The following TENM2 variants were observed in gnomAD, a reference collection of about 807,000 sequenced individuals.
The protein encoded by TENM2 is teneurin-2.
A neutral mutation model predicts 245.2 loss-of-function variants in TENM2; 52 were observed. The observed-to-expected ratio is 0.21, with a 90% CI of 0.17 to 0.27. The LOEUF (loss-of-function observed/expected upper bound fraction) is 0.27. Among genes scored for constraint, TENM2 ranks in the 10% least tolerant of loss-of-function variants. The probability of loss-of-function intolerance (pLI) is 1.00; values close to 1 mark genes in which losing one functional copy is unlikely to be tolerated. For synonymous variants in TENM2, 1,363 were observed against 1,438.9 expected (o/e 0.95, Z 1.19); for missense variants, 3,046 against 3,666.8 (o/e 0.83, Z 4.37).
intron 2 of TENM2, among the ~76,000 whole-genome samples, chr5:167,797,817 A>C (rs529772067): frequency 2.0e-5 from 3 of 152,328 alleles, no homozygotes; most frequent in African/African-American, 7.2e-5. Context: ...AGAAAAGGAA[A>C]GGAAAGAAAA....
the TENM2 span, among the ~76,000 whole-genome samples, chr5:167,001,891 G>GT: frequency 4.1e-3 from 617 of 152,022 alleles, 4 homozygotes; most frequent in African/African-American, 0.014. Context: ...TTATTTTGCT[G>GT]TTTTGCTGCT....
intron 2 of TENM2, among the ~76,000 whole-genome samples, chr5:167,400,411 A>G (rs545175302): frequency 3.3e-5 from 5 of 152,274 alleles, no homozygotes; most frequent in African/African-American, 4.8e-5. Context: ...AGTATAGTCA[A>G]TAAATGAGAT....
At chr5:168,123,035 A>G (rs1795580748) in intron 10 of TENM2, among the ~76,000 whole-genome samples, 1 of 151,960 alleles carries the variant, frequency 6.6e-6, no homozygotes, top group Non-Finnish European at 1.5e-5. Flanking sequence ...GGTGGCTCAC[A>G]CCAGTAATCC....
intron 2 of TENM2, among the ~76,000 whole-genome samples, chr5:167,413,201 G>T (rs896178825): frequency 2.6e-5 from 4 of 151,968 alleles, no homozygotes; most frequent in African/African-American, 4.8e-5. Context: ...TAATTAAATT[G>T]TTCTATGTGA....
chr5:167,750,397 T>G (rs1240073798), intron 2 of TENM2, among the ~76,000 whole-genome samples: 2 of 152,160 alleles, frequency 1.3e-5, no homozygotes, highest in Admixed American at 1.3e-4. Flanking sequence ...GAGTAATTCT[T>G]GACAAAGGCA....
chr5:167,568,138 T>G (rs1466135231), intron 2 of TENM2, among the ~76,000 whole-genome samples: 2 of 152,066 alleles, frequency 1.3e-5, no homozygotes, highest in Non-Finnish European at 2.9e-5. Context: ...AATGGGAAAA[T>G]TATATGTATT....
At chr5:167,133,782 A>G in the TENM2 span, among the ~76,000 whole-genome samples, 4 of 151,920 alleles carry the variant, frequency 2.6e-5, no homozygotes, top group African/African-American at 4.8e-5. Flanking sequence ...TATTCCCCTA[A>G]TATTCCAGTG....
At chr5:167,622,481 C>T (rs1438738907) in intron 2 of TENM2, among the ~76,000 whole-genome samples, 2 of 151,978 alleles carry the variant, frequency 1.3e-5, no homozygotes, top group African/African-American at 4.8e-5. Context: ...ATTCCTCACT[C>T]ACTGATTCAA....
At chr5:168,178,784 A>G (rs184852748) in intron 13 of TENM2, among the ~76,000 whole-genome samples, 261 of 152,280 alleles carry the variant, frequency 1.7e-3, no homozygotes, top group Non-Finnish European at 2.7e-3. Context: ...CCTGTGAAAA[A>G]CCGAGAACAG....
chr5:167,702,627 T>G (rs1000636964), intron 2 of TENM2, among the ~76,000 whole-genome samples: 20 of 150,154 alleles, frequency 1.3e-4, no homozygotes, highest in African/African-American at 4.6e-4. Context: ...ACTGCTGTGT[T>G]TTTTTGTTTT....
intron 2 of TENM2, among the ~76,000 whole-genome samples, chr5:167,498,920 T>A (rs1225974425): frequency 1.3e-5 from 2 of 152,150 alleles, no homozygotes; most frequent in Non-Finnish European, 2.9e-5. Context: ...TGCTTGTATT[T>A]TGTTACAGAA....
chr5:168,157,450 G>A (rs532669796), intron 12 of TENM2, among the ~76,000 whole-genome samples: 3 of 152,148 alleles, frequency 2.0e-5, no homozygotes, highest in Non-Finnish European at 4.4e-5. Context: ...AGACCAGTTA[G>A]GAGGTTTCGA....
chr5:167,782,586 G>A (rs1005857277), intron 2 of TENM2, among the ~76,000 whole-genome samples: 1 of 152,038 alleles, frequency 6.6e-6, no homozygotes, highest in South Asian at 2.1e-4. Flanking sequence ...TCCTTCAACC[G>A]GCTTTATTGT....
the TENM2 span, among the ~76,000 whole-genome samples, chr5:167,128,118 T>A: frequency 6.6e-6 from 1 of 152,164 alleles, no homozygotes; most frequent in South Asian, 2.1e-4. Flanking sequence ...TCCTTATATG[T>A]TAAATGAGCA....
chr5:167,716,951 A>G (rs1455917933), intron 2 of TENM2, among the ~76,000 whole-genome samples: 6 of 126,666 alleles, frequency 4.7e-5, no homozygotes, highest in Non-Finnish European at 8.5e-5. Flanking sequence ...ATTCTATTCT[A>G]TTCTATTTTA....
chr5:167,877,205 C>T (rs1421988), intron 3 of TENM2, among the ~76,000 whole-genome samples: 7 of 151,858 alleles, frequency 4.6e-5, no homozygotes, highest in African/African-American at 1.5e-4. Context: ...GGTCTTGATG[C>T]GATTGTGTTT....
intron 2 of TENM2, among the ~76,000 whole-genome samples, chr5:167,595,694 A>G (rs1443593207): frequency 6.6e-6 from 1 of 152,226 alleles, no homozygotes; most frequent in Non-Finnish European, 1.5e-5. Flanking sequence ...GAAGCCTCTT[A>G]TATCAAAACA....
intron 1 of TENM2, among the ~76,000 whole-genome samples, chr5:167,328,204 GTTTT>G (rs70976412): frequency 0.38 from 34,687 of 90,382 alleles, 4,121 homozygotes; most frequent in Non-Finnish European, 0.43. Flanking sequence ...TTCTCATATC[GTTTT>G]TTTTTTTTTT....
intron 2 of TENM2, among the ~76,000 whole-genome samples, chr5:167,533,393 G>T (rs1231381689): frequency 6.6e-6 from 1 of 152,206 alleles, no homozygotes; most frequent in South Asian, 2.1e-4. Flanking sequence ...CTTGGGAGAG[G>T]CAAAGCATGC....
Sources: allele counts gnomAD v4.1 joint callset (sites outside exome capture counted in the v4.1 genomes callset), GRCh38; gene constraint gnomAD v4.1.1; transcripts MANE v1.5; gene names NCBI Gene and HGNC (gene_info 2026-07-23, HGNC 2026-07-21).